Variants in ADGRF5 observed in about 807,000 individuals in gnomAD.
ADGRF5 encodes G-protein coupled receptor 116.
In ADGRF5, 75 loss-of-function variants were observed where a neutral mutation model predicts 132.3. The observed-to-expected ratio is 0.57, with a 90% CI of 0.47 to 0.69. The LOEUF is 0.69. ADGRF5 is among the 30% of genes least tolerant of loss of function. ADGRF5 has a pLI of 0.00. For missense variants in ADGRF5, 1,516 were observed against 1,630.6 expected, an observed-to-expected ratio of 0.93 and a Z score of 1.21; for synonymous variants, 629 against 597.6, an observed-to-expected ratio of 1.05 and a Z score of -0.77.
intron 10 of ADGRF5, among the ~76,000 whole-genome samples, chr6:46,873,182 C>T (rs1771280821): frequency 6.6e-6 from 1 of 152,122 alleles, no homozygotes; most frequent in African/African-American, 2.4e-5. Flanking sequence ...TCCTCCCCTT[C>T]AACCCCCAGA....
chr6:46,884,255 T>C lies in ADGRF5; in HGVS notation c.345A>G (p.Gly115=), dbSNP rs762866766. The change falls in exon 5 of 21, where the codon GGA becomes GGG. Residue 115 remains glycine (G), a synonymous_variant. Transcript: ENST00000283296. ...TCTCGCAGGAGCACCAGATTTCATT[T>C]CCAGCAGGTCTGCAGACTATCGTTA... ...INVTTVCRPA[G]NEIWCSCETG... 1 of 1,613,718 alleles carries C rather than the reference T, an allele frequency of 6.2e-7. No individual in the cohort carries two copies. Among genetic ancestry groups the C allele is most frequent in the South Asian group, 1.1e-5 (1 of 91,064 alleles).
At chr6:46,922,337 C>A (rs1423832255), upstream of ADGRF5, among the ~76,000 whole-genome samples, 1 of 152,172 alleles carries the variant, frequency 6.6e-6, no homozygotes, top group Non-Finnish European at 1.5e-5. Context: ...AGAGAAGAGA[C>A]CTAGAGAAGT....
intron 1 of ADGRF5, among the ~76,000 whole-genome samples, 155 bp downstream of exon 1, chr6:46,921,558 C>T (rs374053535): frequency 8.5e-5 from 13 of 152,310 alleles, no homozygotes; most frequent in African/African-American, 2.9e-4. Flanking sequence ...ACATACTTAA[C>T]TTTCCCAACA....
intron 1 of ADGRF5, among the ~76,000 whole-genome samples, chr6:46,951,156 A>G (rs1778486243): frequency 6.6e-6 from 1 of 152,244 alleles, no homozygotes; most frequent in African/African-American, 2.4e-5. Context: ...AGTGGGTAAG[A>G]AATTACCAGC....
chr6:46,880,443 A>G (rs1320213007), intron 8 of ADGRF5, among the ~76,000 whole-genome samples: 1 of 152,188 alleles, frequency 6.6e-6, no homozygotes, highest in East Asian at 1.9e-4. Flanking sequence ...CCAATATCTC[A>G]AGCTTATTGA....
intron 1 of ADGRF5, among the ~76,000 whole-genome samples, chr6:46,927,931 A>G (rs1353599095): frequency 6.6e-6 from 1 of 152,208 alleles, no homozygotes; most frequent in Non-Finnish European, 1.5e-5. Flanking sequence ...GGCTAGAATT[A>G]AGCTCACATC....
rs183027457 is a variant in ADGRF5 at position 46,931,866 on chromosome 6, G to A, written c.-25+22868C>T. ...ACCTGGGAGGCAGAGGTTGCAGTGA[G>A]CTGAGATCTTGCCATTGCGCTCCAG... On this transcript the variant is annotated intron_variant, in intron 1 of 20. Coordinates refer to the ADGRF5 transcript ENST00000265417. 2.4e-4 allele frequency among the ~76,000 whole-genome samples: 36 copies of A among 152,306 alleles called. No homozygotes were observed. The East Asian group carries it at 6.0e-3, about 25-fold the overall frequency.
intron 2 of ADGRF5, among the ~76,000 whole-genome samples, chr6:46,905,623 CACAA>C (rs1775272259): frequency 6.6e-6 from 1 of 151,884 alleles, no homozygotes; most frequent in South Asian, 2.1e-4. Context: ...CGGGCAAACA[CACAA>C]ACAAAAGCAG....
chr6:46,912,203 T>C (rs1297569972), intron 1 of ADGRF5, among the ~76,000 whole-genome samples: 1 of 152,182 alleles, frequency 6.6e-6, no homozygotes, highest in Non-Finnish European at 1.5e-5. Flanking sequence ...CCTTTAACCA[T>C]TGTGCAGAAT....
chr6:46,863,036 T>C lies in ADGRF5; in HGVS notation c.2051A>G (p.Gln684Arg). Reference protein sequence around the residue: ...IGVGEPGKVIQKLCRFSNVPS... With the variant: ...IGVGEPGKVIRKLCRFSNVPS... The stretch of plus-strand genomic sequence containing the variant: ...AACGTTTGAGAACCGGCATAGCTTC[T>C]GGATGACTTTCCCCGGCTCTCCGAC... Residue 684 changes from glutamine (Q) to arginine (R), a missense_variant, in exon 15 of 21, where the codon CAG (glutamine) becomes CGG (arginine). Transcript: ENST00000283296. The C allele has an allele frequency of 6.2e-7, 1 of 1,614,076 alleles. No homozygotes were observed. The highest frequency in any genetic ancestry group is 8.5e-7 in the Non-Finnish European group (1 of 1,179,982).
rs542510541 is a variant in ADGRF5, at chr6:46,932,826, T to C, written c.-25+21908A>G. Among the ~76,000 whole-genome samples, 3 of 152,292 alleles carry C rather than the reference T, an allele frequency of 2.0e-5. No homozygotes were observed. In the South Asian group the frequency reaches 6.2e-4, roughly 32 times the overall value. On this transcript the variant is annotated intron_variant, in intron 1 of 20. Transcript: ENST00000265417. ...AATCGTGTCCCTATACTAAGACTCC[T>C]CTCAATTCCTTTGAGGGATGATGTA...
Position 46,858,408 on chromosome 6 carries a change from G to A in ADGRF5, c.3495C>T (p.Asn1165=), listed in dbSNP as rs1415639517. The A allele has an allele frequency of 2.5e-6, 4 of 1,613,854 alleles. No individual in the cohort carries two copies. In the African/African-American group the frequency reaches 5.3e-5, roughly 22 times the overall value. Residue 1165 remains asparagine (N), a synonymous_variant, in exon 17 of 21, where the codon AAC becomes AAT. Transcript: ENST00000283296. The part of the protein sequence containing the change: ...VYTRKNVCWL[N]WEDTKALLAF... Reference sequence around the variant, plus strand: ...CCAGCAGGGCCTTGGTGTCCTCCCAGTTGAGCCAACAGACATTCTTCCTCG... The same window carrying A: ...CCAGCAGGGCCTTGGTGTCCTCCCAATTGAGCCAACAGACATTCTTCCTCG...
In ADGRF5 at chr6:46,863,048, C is replaced by T. The variant is rs1390896530; in HGVS notation, c.2039G>A (p.Gly680Glu). The change falls in exon 15 of 21, where the codon GGG (glycine) becomes GAG (glutamate). Residue 680 changes from glycine (G) to glutamate (E), a missense_variant. By Grantham distance (98) the Gly-to-Glu change is moderately conservative. Around this residue, in one of 2 missense-constraint regions of ADGRF5, gnomAD observed 945 missense variants for 929.4 expected, o/e 1.02. Coordinates refer to ENST00000283296, the MANE Select transcript of ADGRF5 (RefSeq NM_001098518.2). Reference protein sequence around the residue: ...QDPVIGVGEPGKVIQKLCRFS... With the variant: ...QDPVIGVGEPEKVIQKLCRFS... ...CCGGCATAGCTTCTGGATGACTTTC[C>T]CCGGCTCTCCGACACCTATTACGGG... The T allele has an allele frequency of 1.2e-6, 2 of 1,613,880 alleles. No homozygotes were observed. Among genetic ancestry groups the T allele is most frequent in the Admixed American group, 1.7e-5 (1 of 59,994 alleles).
chr6:46,868,951 G>A lies in ADGRF5; in HGVS notation c.1553C>T (p.Thr518Ile). The A allele has an allele frequency of 6.2e-7, 1 of 1,613,188 alleles. No individual in the cohort carries two copies. Reference protein sequence around the residue: ...AGIKIYQRFYTTRRYLDGAES... With the variant: ...AGIKIYQRFYITRRYLDGAES... ...TGCTCCATCAAGATACCTCCTCGTG[G>A]TATAAAATCTTTGGTATATTTTAAT... is the stretch of plus-strand genomic sequence containing the variant. Residue 518 changes from threonine (T) to isoleucine (I), a missense_variant, in exon 12 of 21, where the codon ACC becomes ATC. Coordinates refer to ENST00000283296, the MANE Select transcript of ADGRF5 (RefSeq NM_001098518.2).
In ADGRF5 at chr6:46,937,221, A is replaced by AGTGTGTGTGTGTGTGT. The variant is rs10558166; in HGVS notation, c.-25+17497_-25+17512dup. ...ATGAAGCAAGGTACAGGCAATAAGG[A>AGTGTGTGTGTGTGTGT]GTGTGTGTGTGTGTGTGTGTGTGTG... On this transcript the variant is annotated intron_variant, in intron 1 of 20. Coordinates refer to the ADGRF5 transcript ENST00000265417. Among the ~76,000 whole-genome samples the AGTGTGTGTGTGTGTGT allele has an allele frequency of 4.7e-3, 692 of 146,786 alleles. 4 individuals carry two copies. The highest frequency in any genetic ancestry group is 0.014 in the African/African-American group (547 of 39,614).
rs1331780555 is a variant in ADGRF5, at chr6:46,863,007, T to A, written c.2080A>T (p.Ser694Cys). 1.9e-6 allele frequency: 3 copies of A among 1,613,810 alleles called. No individual in the cohort carries two copies. The South Asian group carries it at 3.3e-5, about 18-fold the overall frequency. ...QKLCRFSNVPSSPESPIGGTI... is the reference protein window; with the variant it reads ...QKLCRFSNVPCSPESPIGGTI... The stretch of plus-strand genomic sequence containing the variant: ...CCGCCAATGGGACTCTCAGGGCTGC[T>A]GGGAACGTTTGAGAACCGGCATAGC... Residue 694 changes from serine (S) to cysteine (C), a missense_variant, in exon 15 of 21, where the codon AGC becomes TGC. Around this residue, in one of 2 missense-constraint regions of ADGRF5, gnomAD observed 945 missense variants for 929.4 expected, o/e 1.02. Transcript: ENST00000283296.
chr6:46,865,967 A>C (rs1021450869), intron 13 of ADGRF5, among the ~76,000 whole-genome samples: 3 of 150,222 alleles, frequency 2.0e-5, no homozygotes, highest in Non-Finnish European at 3.0e-5. Flanking sequence ...AAAATGAATG[A>C]GCTTGTAAAT....
intron 1 of ADGRF5, among the ~76,000 whole-genome samples, chr6:46,953,069 GCAAAGTCAGATA>G (rs1204237650): frequency 3.9e-5 from 6 of 152,182 alleles, no homozygotes; most frequent in Non-Finnish European, 8.8e-5. Context: ...TAGTTTAGTT[GCAAAGTCAGATA>G]CTGAGAGGGT....
chr6:46,954,316 T>C (rs1395520488), intron 1 of ADGRF5, among the ~76,000 whole-genome samples: 2 of 152,044 alleles, frequency 1.3e-5, no homozygotes, highest in Admixed American at 6.5e-5. Context: ...TAGCAAATTC[T>C]CTGTCAAATC....
Sources: allele counts gnomAD v4.1 joint callset (sites outside exome capture counted in the v4.1 genomes callset), GRCh38; gene constraint gnomAD v4.1.1; regional missense constraint gnomAD v4.1.1; transcripts MANE v1.5; gene names NCBI Gene and HGNC (gene_info 2026-07-23, HGNC 2026-07-21).